Variants in CLYBL observed in about 807,000 individuals in gnomAD.
CLYBL encodes the protein citramalyl-CoA lyase, mitochondrial.
A neutral mutation model predicts 38.9 loss-of-function variants in CLYBL; 31 were observed. The observed-to-expected ratio is 0.80, with a 90% CI of 0.60 to 1.08. CLYBL has a LOEUF of 1.08. Ranked by LOEUF, CLYBL falls within the 50% of genes least tolerant of loss-of-function variation. CLYBL has a pLI of 0.00. For missense variants in CLYBL, 434 were observed against 411.6 expected, an observed-to-expected ratio of 1.05 and a Z score of -0.47; for synonymous variants, 171 against 158.6, an observed-to-expected ratio of 1.08 and a Z score of -0.59.
chr13:99,728,275 CTTTTCT>C (rs1555295305), intron 1 of CLYBL, among the ~76,000 whole-genome samples: 1 of 142,532 alleles, frequency 7.0e-6, no homozygotes, highest in Non-Finnish European at 1.5e-5. Context: ...TGTTTCTTTT[CTTTTCT>C]TTTTTTTTTT....
intron 1 of CLYBL, among the ~76,000 whole-genome samples, chr13:99,706,609 A>T (rs541070845): frequency 6.6e-6 from 1 of 152,306 alleles, no homozygotes; most frequent in East Asian, 1.9e-4. Flanking sequence ...TCTAAATTCA[A>T]TAGTAAAGGG....
intron 2 of CLYBL, among the ~76,000 whole-genome samples, chr13:99,785,502 C>G (rs1037541003): frequency 2.6e-5 from 4 of 152,050 alleles, no homozygotes; most frequent in African/African-American, 9.7e-5. Flanking sequence ...AGTTATAAAG[C>G]AACCCCCAAC....
rs752980910 is a variant in CLYBL, at chr13:99,866,249, G to A, written c.644G>A (p.Ser215Asn). 5 of 1,613,550 alleles carry A rather than the reference G, an allele frequency of 3.1e-6. No homozygotes were observed. The highest frequency in any genetic ancestry group is 1.7e-4 in the Middle Eastern group (1 of 5,898). The change falls in exon 6 of 9, where the codon AGT becomes AAT. Residue 215 changes from serine to asparagine, a missense_variant. By Grantham distance (46) the Ser-to-Asn change is conservative. Coordinates refer to ENST00000339105, the MANE Select transcript of CLYBL (RefSeq NM_206808.5). ...AACATCCCATTTTCAGGTGCAACAA[G>A]TAGTAAAGAAACCCTGGATATTCTC... The part of the protein sequence containing the change: ...EDFRASIGAT[S>N]SKETLDILYA...
intron 2 of CLYBL, among the ~76,000 whole-genome samples, chr13:99,828,766 G>A (rs1033203343): frequency 6.6e-6 from 1 of 152,126 alleles, no homozygotes; most frequent in African/African-American, 2.4e-5. Context: ...AATTTAGAAA[G>A]CCTTTTCATG....
chr13:99,698,982 C>A (rs937145732), intron 1 of CLYBL, among the ~76,000 whole-genome samples: 2 of 152,174 alleles, frequency 1.3e-5, no homozygotes, highest in Admixed American at 1.3e-4. Flanking sequence ...TTAAAACGTG[C>A]CACTCAGAAA....
chr13:99,666,098 A>G (rs2047477342), intron 1 of CLYBL, among the ~76,000 whole-genome samples: 1 of 152,146 alleles, frequency 6.6e-6, no homozygotes, highest in Non-Finnish European at 1.5e-5. Context: ...ACTACTTGCT[A>G]GAAGGAACCT....
At chr13:99,664,455 T>C (rs1441360013) in intron 1 of CLYBL, among the ~76,000 whole-genome samples, 1 of 152,236 alleles carries the variant, frequency 6.6e-6, no homozygotes, top group East Asian at 1.9e-4. Flanking sequence ...AGAATGGATG[T>C]TTTATTTTTT....
At chr13:99,878,088 A>G (rs2052097782) in intron 7 of CLYBL, among the ~76,000 whole-genome samples, 1 of 152,238 alleles carries the variant, frequency 6.6e-6, no homozygotes. Context: ...AAACACATTT[A>G]GTAAACATTA....
At chr13:99,682,401 C>T (rs1423187001) in intron 1 of CLYBL, among the ~76,000 whole-genome samples, 1 of 152,142 alleles carries the variant, frequency 6.6e-6, no homozygotes, top group South Asian at 2.1e-4. Flanking sequence ...CTTGGCCTCC[C>T]AAAGTGCTGG....
chr13:99,819,444 ATATATATATATATAT>A (rs2050536438), intron 2 of CLYBL, among the ~76,000 whole-genome samples: 1 of 88,712 alleles, frequency 1.1e-5, no homozygotes, highest in African/African-American at 3.7e-5. Flanking sequence ...ATATATATAT[ATATATATATATATAT>A]ATATATATAA....
chr13:99,797,560 T>TCGTGTGTGTGTGTGTGTG (rs2050046535), intron 2 of CLYBL, among the ~76,000 whole-genome samples: 1 of 141,708 alleles, frequency 7.1e-6, no homozygotes, highest in Non-Finnish European at 1.5e-5. Context: ...TGTTAGCTGT[T>TCGTGTGTGTGTGTGTGTG]TGTGTGTGTG....
chr13:99,707,332 C>T (rs2048161474), intron 1 of CLYBL, among the ~76,000 whole-genome samples: 1 of 151,858 alleles, frequency 6.6e-6, no homozygotes, highest in Admixed American at 6.6e-5. Context: ...TGTAGTGGTG[C>T]GATCTCGGCT....
chr13:99,837,743 C>T (rs888842940), intron 2 of CLYBL, among the ~76,000 whole-genome samples: 3 of 152,174 alleles, frequency 2.0e-5, no homozygotes, highest in Non-Finnish European at 4.4e-5. Context: ...TATGTGTGCA[C>T]CAGCGCAGCA....
At chr13:99,733,778 C>T (rs541672173) in intron 1 of CLYBL, among the ~76,000 whole-genome samples, 2 of 152,364 alleles carry the variant, frequency 1.3e-5, no homozygotes, top group East Asian at 3.9e-4. Context: ...AAGGACGCTT[C>T]ACCTAGAATA....
chr13:99,619,126 C>G lies in CLYBL; in HGVS notation c.62+12369C>G, dbSNP rs576773976. ...CTATGGTTTGAATGTGGTATCCCCT[C>G]CAAAATTCATGTTGAAACTTAATTC... is the stretch of plus-strand genomic sequence containing the variant. On this transcript the variant is annotated intron_variant, in intron 1 of 8. Transcript: ENST00000339105. Among the ~76,000 whole-genome samples, 7 of 152,290 alleles carry G rather than the reference C, an allele frequency of 4.6e-5. No homozygotes were observed. In the East Asian group the frequency reaches 1.3e-3, roughly 29 times the overall value.
intron 1 of CLYBL, among the ~76,000 whole-genome samples, chr13:99,683,968 A>AGG (rs2047778489): frequency 1.3e-5 from 2 of 148,386 alleles, no homozygotes; most frequent in Non-Finnish European, 3.0e-5. Flanking sequence ...TCCCAGGTTC[A>AGG]TGCCATTCTC....
chr13:99,724,304 T>A (rs2048436517), intron 1 of CLYBL, among the ~76,000 whole-genome samples: 1 of 152,192 alleles, frequency 6.6e-6, no homozygotes, highest in Admixed American at 6.6e-5. Context: ...TTGGCTTGAT[T>A]TTCCCCTATT....
At chr13:99,859,524 C>T (rs1288720268) in intron 3 of CLYBL, among the ~76,000 whole-genome samples, 1 of 152,196 alleles carries the variant, frequency 6.6e-6, no homozygotes, top group Non-Finnish European at 1.5e-5. Context: ...GAAAAGGTCA[C>T]TCTTTAGGGC....
At chr13:99,722,287 T>G (rs2048404833) in intron 1 of CLYBL, among the ~76,000 whole-genome samples, 1 of 152,186 alleles carries the variant, frequency 6.6e-6, no homozygotes, top group Non-Finnish European at 1.5e-5. Context: ...TACTTATTGT[T>G]TCAAGGGCTG....
Sources: gnomAD v4.1 joint callset for allele counts (sites outside exome capture counted in the v4.1 genomes callset) on GRCh38, gnomAD v4.1.1 for gene constraint, MANE v1.5 for transcripts, NCBI Gene and HGNC (gene_info 2026-07-23, HGNC 2026-07-21) for gene names.